KCNC2: variants seen among roughly 807,000 people sequenced by gnomAD.
KCNC2 encodes the protein voltage-gated potassium channel KCNC2.
A neutral mutation model predicts 44.5 loss-of-function variants in KCNC2; 21 were observed. The observed-to-expected ratio is 0.47, with a 90% CI of 0.33 to 0.68. KCNC2 has a LOEUF of 0.68. Among genes scored for constraint, KCNC2 ranks in the 30% least tolerant of loss-of-function variants. The probability of loss-of-function intolerance (pLI) is 0.01; values close to 1 mark genes in which losing one functional copy is unlikely to be tolerated. For missense variants in KCNC2, 589 were observed against 826.2 expected (o/e 0.71, Z 3.52); for synonymous variants, 391 against 339.1 (o/e 1.15, Z -1.68).
chr12:75,208,920 C>A (rs1394203135), intron 1 of KCNC2, among the ~76,000 whole-genome samples: 2 of 152,222 alleles, frequency 1.3e-5, no homozygotes, highest in Admixed American at 1.3e-4. Context: ...ACCCATCCCC[C>A]TTCCCAAGAA....
intron 2 of KCNC2, chr12:75,124,160 T>C (rs1006386305): frequency 4.6e-5 from 7 of 152,318 alleles, no homozygotes; most frequent in African/African-American, 1.7e-4. Context: ...AAAAGCAATC[T>C]GTCCTCTGCA....
At chr12:75,059,595 G>A (rs547496710) in intron 2 of KCNC2, among the ~76,000 whole-genome samples, 1 of 152,068 alleles carries the variant, frequency 6.6e-6, no homozygotes, top group Non-Finnish European at 1.5e-5. Flanking sequence ...TCATTAAAAT[G>A]TTAGCTCATA....
intron 2 of KCNC2, among the ~76,000 whole-genome samples, chr12:75,058,798 A>G (rs1198340552): frequency 6.6e-6 from 1 of 152,040 alleles, no homozygotes; most frequent in African/African-American, 2.4e-5. Flanking sequence ...AAACCATAAC[A>G]TAATCCCCAG....
At position 75,051,414 on chromosome 12, in the gene KCNC2, A is replaced by G. The variant is rs1881158973; in HGVS notation, c.688-97T>C. 6 of 711,138 alleles carry G rather than the reference A, an allele frequency of 8.4e-6. No individual in the cohort carries two copies. In the South Asian group the frequency reaches 1.2e-4, roughly 15 times the overall value. The allele number at this position is 711,138 out of a possible 1,614,324, so 44.1% of individuals were successfully genotyped here. Reference sequence around the variant, plus strand: ...GCAACAATCCCTGTAAATAAAAAAGAATAACAGCATATTTAGAGGTTTCAC... The same window carrying G: ...GCAACAATCCCTGTAAATAAAAAAGGATAACAGCATATTTAGAGGTTTCAC... On this transcript the variant is annotated intron_variant, in intron 2 of 4. Coordinates refer to ENST00000549446, the MANE Select transcript of KCNC2 (RefSeq NM_139137.4).
At chr12:75,180,761 G>T (rs1373847443) in intron 2 of KCNC2, among the ~76,000 whole-genome samples, 1 of 151,850 alleles carries the variant, frequency 6.6e-6, no homozygotes, top group Non-Finnish European at 1.5e-5. Context: ...CTTTTAGAAA[G>T]AATCTTTTCC....
chr12:75,081,362 C>G (rs1300185750), intron 2 of KCNC2, among the ~76,000 whole-genome samples: 1 of 150,872 alleles, frequency 6.6e-6, no homozygotes, highest in Admixed American at 6.6e-5. Flanking sequence ...CACAATTTAA[C>G]ACTGCCATTC....
chr12:75,102,483 G>C (rs1371981531), intron 2 of KCNC2, among the ~76,000 whole-genome samples: 1 of 151,990 alleles, frequency 6.6e-6, no homozygotes, highest in Non-Finnish European at 1.5e-5. Flanking sequence ...CAGTGGCCAA[G>C]ATGACCCTCA....
intron 2 of KCNC2, among the ~76,000 whole-genome samples, chr12:75,082,276 G>T (rs975953351): frequency 5.3e-5 from 8 of 151,744 alleles, no homozygotes; most frequent in Non-Finnish European, 1.0e-4. Flanking sequence ...TAAAATTCAT[G>T]AAGTAATAAT....
intron 2 of KCNC2, among the ~76,000 whole-genome samples, chr12:75,177,890 A>G (rs1037424221): frequency 2.0e-5 from 3 of 152,056 alleles, no homozygotes; most frequent in African/African-American, 7.2e-5. Flanking sequence ...AACTTCAACA[A>G]AGTTGGAGAT....
At chr12:75,104,419 A>G (rs142639877) in intron 2 of KCNC2, among the ~76,000 whole-genome samples, 10 of 152,294 alleles carry the variant, frequency 6.6e-5, no homozygotes, top group Non-Finnish European at 1.3e-4. Flanking sequence ...GCCACAAACC[A>G]CTAACTGGGT....
rs115654481 is a variant in KCNC2, at chr12:75,110,222, A to C, written c.688-58905T>G. ...CAGAAAGGATTAAGGGGGAAAAAAA[A>C]CCAACATATTTTATATGCATCCTGG... On this transcript the variant is annotated intron_variant, in intron 2 of 4. Transcript: ENST00000549446. Among the ~76,000 whole-genome samples the C allele has an allele frequency of 1.8e-3, 268 of 152,264 alleles. 1 individual carries two copies. Among genetic ancestry groups the C allele is most frequent in the South Asian group, 5.6e-3 (27 of 4,832 alleles).
chr12:75,119,946 A>T (rs1887937823), intron 2 of KCNC2, among the ~76,000 whole-genome samples: 1 of 152,210 alleles, frequency 6.6e-6, no homozygotes, highest in Non-Finnish European at 1.5e-5. Context: ...TTATCTTTAG[A>T]ATACAACTAT....
intron 2 of KCNC2, among the ~76,000 whole-genome samples, chr12:75,147,301 G>A (rs1271341375): frequency 2.0e-5 from 3 of 151,580 alleles, no homozygotes; most frequent in Non-Finnish European, 4.4e-5. Flanking sequence ...ATTTTTTTTC[G>A]TGGGAAAGAA....
At chr12:75,164,657 G>A (rs1180580520) in intron 2 of KCNC2, among the ~76,000 whole-genome samples, 1 of 151,484 alleles carries the variant, frequency 6.6e-6, no homozygotes, top group Non-Finnish European at 1.5e-5. Context: ...AATGTTCTCT[G>A]GATAAGTAAA....
chr12:75,176,418 C>A (rs1565665050), intron 2 of KCNC2, among the ~76,000 whole-genome samples: 1 of 152,080 alleles, frequency 6.6e-6, no homozygotes, highest in Admixed American at 6.6e-5. Flanking sequence ...CCACCTAAAT[C>A]AGAGTAAAAG....
chr12:75,115,871 C>T (rs1288620197), intron 2 of KCNC2, among the ~76,000 whole-genome samples: 1 of 152,034 alleles, frequency 6.6e-6, no homozygotes, highest in African/African-American at 2.4e-5. Context: ...CAATATTGTG[C>T]ATACCTGAAA....
At chr12:75,162,732 C>A (rs575266857) in intron 2 of KCNC2, among the ~76,000 whole-genome samples, 89 of 151,770 alleles carry the variant, frequency 5.9e-4, no homozygotes, top group Middle Eastern at 3.4e-3. Context: ...CTCAAAAAAA[C>A]CTCTATTTTT....
At chr12:75,104,456 C>T (rs1886619408) in intron 2 of KCNC2, among the ~76,000 whole-genome samples, 1 of 151,942 alleles carries the variant, frequency 6.6e-6, no homozygotes, top group Admixed American at 6.6e-5. Flanking sequence ...AAAGTGAAGC[C>T]ATGGAAAAGG....
At chr12:75,085,304 C>A (rs6582277) in intron 2 of KCNC2, among the ~76,000 whole-genome samples, 135,530 of 151,948 alleles carry the variant, frequency 0.89, 60,495 homozygotes, top group Admixed American at 0.92. Context: ...TATTATTCAC[C>A]TTCCACCACT....
Sources: gnomAD v4.1 joint callset for allele counts (sites outside exome capture counted in the v4.1 genomes callset) on GRCh38, gnomAD v4.1.1 for gene constraint, MANE v1.5 for transcripts, NCBI Gene and HGNC (gene_info 2026-07-23, HGNC 2026-07-21) for gene names.